MCTP1: variants seen among roughly 807,000 people sequenced by gnomAD.
The protein encoded by MCTP1 is multiple C2 and transmembrane domain containing 1, also known as multiple C2 and transmembrane domain-containing protein 1.
In MCTP1, 69 loss-of-function variants were observed where a neutral mutation model predicts 120.6. The ratio of observed to expected loss-of-function variants is 0.57; its 90% CI spans 0.47 to 0.70. The LOEUF (loss-of-function observed/expected upper bound fraction) is 0.70, where lower values mean the gene tolerates loss of function less well. Among genes scored for constraint, MCTP1 ranks in the 30% least tolerant of loss-of-function variants. MCTP1 has a pLI of 0.00. For synonymous variants in MCTP1, 529 were observed against 493.1 expected (o/e 1.07, Z -0.96); for missense variants, 1,203 against 1,248.8 (o/e 0.96, Z 0.55).
At chr5:94,720,572 T>G (rs1265331328) in intron 19 of MCTP1, among the ~76,000 whole-genome samples, 1 of 152,194 alleles carries the variant, frequency 6.6e-6, no homozygotes, top group Non-Finnish European at 1.5e-5. Context: ...AGTGTAATCC[T>G]AATTTAGGTT....
intron 1 of MCTP1, among the ~76,000 whole-genome samples, chr5:95,123,349 A>G (rs372190): frequency 0.82 from 124,586 of 152,222 alleles, 52,239 homozygotes; most frequent in Middle Eastern, 0.91. Context: ...TTTCTTATCC[A>G]CTGGATTAGG....
intron 17 of MCTP1, chr5:94,867,281 T>C: frequency 1.3e-6 from 2 of 1,530,246 alleles, no homozygotes; most frequent in Non-Finnish European, 1.7e-6. Context: ...AACACGTCTA[T>C]GGGAAGCAGG....
chr5:95,169,251 TGATC>T (rs1746879748), intron 1 of MCTP1, among the ~76,000 whole-genome samples: 1 of 152,232 alleles, frequency 6.6e-6, no homozygotes, highest in Non-Finnish European at 1.5e-5. Context: ...GAAGCCAACT[TGATC>T]ATGGTGGATA....
intron 17 of MCTP1, among the ~76,000 whole-genome samples, chr5:94,834,204 G>C (rs1789180452): frequency 6.6e-6 from 1 of 152,166 alleles, no homozygotes; most frequent in South Asian, 2.1e-4. Flanking sequence ...CTGCAAAACA[G>C]AGGAAGCTTT....
chr5:95,013,037 A>G (rs1173987807), intron 2 of MCTP1, among the ~76,000 whole-genome samples: 1 of 152,148 alleles, frequency 6.6e-6, no homozygotes, highest in African/African-American at 2.4e-5. Flanking sequence ...GGCATTTAAA[A>G]CACTACTGCA....
At chr5:95,261,943 A>C (rs1033502817) in intron 1 of MCTP1, among the ~76,000 whole-genome samples, 7 of 152,144 alleles carry the variant, frequency 4.6e-5, no homozygotes, top group African/African-American at 1.4e-4. Context: ...GGGACTGCAG[A>C]GTTTCCCCAC....
intron 17 of MCTP1, among the ~76,000 whole-genome samples, chr5:94,864,983 C>T (rs913305128): frequency 2.6e-5 from 4 of 151,942 alleles, no homozygotes; most frequent in African/African-American, 9.7e-5. Flanking sequence ...GATGATTCCC[C>T]AAGACGAGCA....
chr5:95,209,067 T>A (rs1752017755), intron 1 of MCTP1, among the ~76,000 whole-genome samples: 1 of 152,096 alleles, frequency 6.6e-6, no homozygotes, highest in Non-Finnish European at 1.5e-5. Flanking sequence ...CCACCACAAT[T>A]CTTGAGCTTG....
At chr5:94,829,990 CTCATGGAA>C (rs1199710436) in intron 17 of MCTP1, among the ~76,000 whole-genome samples, 1 of 152,086 alleles carries the variant, frequency 6.6e-6, no homozygotes, top group East Asian at 1.9e-4. Context: ...CTCTTACCAT[CTCATGGAA>C]AATGCAGCCA....
intron 1 of MCTP1, among the ~76,000 whole-genome samples, chr5:95,171,503 T>G (rs1231028425): frequency 6.6e-6 from 1 of 152,194 alleles, no homozygotes; most frequent in Non-Finnish European, 1.5e-5. Flanking sequence ...TCCTGCAGAG[T>G]GTTTTCCAAC....
chr5:94,749,870 A>T (rs1767881504), intron 19 of MCTP1, among the ~76,000 whole-genome samples: 1 of 152,074 alleles, frequency 6.6e-6, no homozygotes, highest in South Asian at 2.1e-4. Context: ...TCCACTCCAC[A>T]CATGGAAGCA....
intron 18 of MCTP1, chr5:94,793,196 G>A (rs539865466): frequency 1.3e-5 from 2 of 152,256 alleles, no homozygotes; most frequent in South Asian, 2.1e-4. Flanking sequence ...TGATGACGAT[G>A]GTTATTAACA....
chr5:95,017,387 A>C lies in MCTP1; in HGVS notation c.818T>G (p.Leu273Ter). 1 of 1,608,114 alleles carries C rather than the reference A, an allele frequency of 6.2e-7. No homozygotes were observed. The change falls in exon 2 of 23, where the codon TTA (leucine) becomes TGA (stop). Residue 273 changes from leucine to a stop codon, truncating the protein, a stop_gained. Coordinates refer to ENST00000515393, the MANE Select transcript of MCTP1 (RefSeq NM_024717.7). LOFTEE classifies it high-confidence loss of function. ...LDITLRRGQS[L>*]AARDRGGTSD... ...CTTACCTCCTCGATCTCGAGCAGCT[A>C]AACTTTGACCCCTTCTTAATGTAAT...
chr5:94,730,687 G>C (rs918785954), intron 19 of MCTP1, among the ~76,000 whole-genome samples: 44 of 152,220 alleles, frequency 2.9e-4, no homozygotes, highest in Non-Finnish European at 4.0e-4. Context: ...TATAGAAAGA[G>C]GAGCTCATTG....
intron 3 of MCTP1, among the ~76,000 whole-genome samples, chr5:94,948,103 T>G (rs1819571819): frequency 6.6e-6 from 1 of 152,156 alleles, no homozygotes; most frequent in African/African-American, 2.4e-5. Context: ...GAAGTGACAT[T>G]GTAAAACAAA....
intron 17 of MCTP1, among the ~76,000 whole-genome samples, chr5:94,849,577 G>T (rs975669006): frequency 6.6e-6 from 1 of 152,092 alleles, no homozygotes; most frequent in Non-Finnish European, 1.5e-5. Context: ...CCAATCTAGA[G>T]CAGTGCCTGG....
At chr5:94,717,117 G>A (rs1405818819) in intron 19 of MCTP1, among the ~76,000 whole-genome samples, 1 of 152,046 alleles carries the variant, frequency 6.6e-6, no homozygotes, top group African/African-American at 2.4e-5. Context: ...CTTAATATGT[G>A]CCTCAAATAG....
intron 1 of MCTP1, among the ~76,000 whole-genome samples, chr5:95,113,422 C>A (rs764347947): frequency 6.6e-6 from 1 of 152,024 alleles, no homozygotes; most frequent in Non-Finnish European, 1.5e-5. Flanking sequence ...ACCCCTCCCC[C>A]ATCCCCAAGC....
chr5:95,076,795 TTTTTTTC>T (rs1753692738), intron 1 of MCTP1, among the ~76,000 whole-genome samples: 1 of 152,218 alleles, frequency 6.6e-6, no homozygotes, highest in Non-Finnish European at 1.5e-5. Flanking sequence ...CGATAATTGG[TTTTTTTC>T]TTTTTTCTTT....
Sources: gnomAD v4.1 joint callset for allele counts (sites outside exome capture counted in the v4.1 genomes callset) on GRCh38, gnomAD v4.1.1 for gene constraint, MANE v1.5 for transcripts, NCBI Gene and HGNC (gene_info 2026-07-23, HGNC 2026-07-21) for gene names.